COQ10B: variants seen among roughly 807,000 people sequenced by gnomAD.
COQ10B encodes coenzyme Q10B.
Under a neutral mutation model 27.6 loss-of-function variants are expected in COQ10B, and 12 were observed. The ratio of observed to expected loss-of-function variants is 0.43; its 90% CI spans 0.28 to 0.70. The LOEUF (loss-of-function observed/expected upper bound fraction) is 0.70. COQ10B is among the 30% of genes least tolerant of loss of function. The pLI is 0.17. For missense variants in COQ10B, 278 were observed against 288.7 expected, an observed-to-expected ratio of 0.96 and a Z score of 0.27; for synonymous variants, 115 against 103.0, an observed-to-expected ratio of 1.12 and a Z score of -0.71.
In COQ10B at chr2:197,460,005, T is replaced by C. The variant is rs771865816; in HGVS notation, c.178T>C (p.Cys60Arg). The C allele has an allele frequency of 7.4e-6, 12 of 1,611,576 alleles. No individual in the cohort carries two copies. Among genetic ancestry groups the C allele is most frequent in the Admixed American group, 3.3e-5 (2 of 59,922 alleles). The change falls in exon 2 of 5, where the codon TGT (cysteine) becomes CGT (arginine). Residue 60 changes from cysteine to arginine, a missense_variant. Around this residue, in one of 3 missense-constraint regions of COQ10B, gnomAD observed 183 missense variants for 158.2 expected, o/e 1.16. Coordinates refer to ENST00000263960, the MANE Select transcript of COQ10B (RefSeq NM_025147.5). ...TACCTCAATTTTGCCTAAGGAGATA[T>C]GTGCACGAACTTTCTTCAAAATCAC... ...LHTSILPKEI[C>R]ARTFFKITAP...
chr2:197,459,140 C>T (rs542774846), intron 1 of COQ10B, among the ~76,000 whole-genome samples: 6 of 152,208 alleles, frequency 3.9e-5, no homozygotes, highest in South Asian at 4.1e-4. Flanking sequence ...TAAAGGAGAA[C>T]GCAGCAACAG....
At chr2:197,468,309 G>A (rs1166613549) in intron 3 of COQ10B, among the ~76,000 whole-genome samples, 1 of 151,990 alleles carries the variant, frequency 6.6e-6, no homozygotes, top group Non-Finnish European at 1.5e-5. Context: ...CGAGCATGGT[G>A]GCGGGCATCT....
chr2:197,464,970 C>T (rs2106052576), intron 3 of COQ10B, among the ~76,000 whole-genome samples: 1 of 151,668 alleles, frequency 6.6e-6, no homozygotes, highest in Non-Finnish European at 1.5e-5. Context: ...ACTGCAAGCT[C>T]CGCCTCCTGG....
intron 1 of COQ10B, among the ~76,000 whole-genome samples, chr2:197,454,405 G>C (rs1255013002): frequency 6.6e-6 from 1 of 151,890 alleles, no homozygotes; most frequent in Non-Finnish European, 1.5e-5. Context: ...ATACGAGGTG[G>C]GGAGAGAAAA....
chr2:197,473,991 T>G lies in COQ10B; in HGVS notation c.*67T>G. On this transcript the variant is annotated 3_prime_UTR_variant, in exon 5 of 5. Transcript: ENST00000263960. ...TGTTCACTTTTAGGAAGTATTTTCA[T>G]GACATGTTTTCAGAAGCCAGAAAGC... The G allele has an allele frequency of 7.7e-7, 1 of 1,291,938 alleles. No individual in the cohort carries two copies. The highest frequency in any genetic ancestry group is 1.0e-6 in the Non-Finnish European group (1 of 977,826). The allele number at this position is 1,291,938 out of a possible 1,614,324, so 80.0% of individuals were successfully genotyped here. A position where few individuals can be genotyped will look rare whatever the true frequency, so the allele number is the denominator to read the frequency against.
chr2:197,465,297 T>A (rs1348710126), intron 3 of COQ10B, among the ~76,000 whole-genome samples: 1 of 151,880 alleles, frequency 6.6e-6, no homozygotes, highest in Admixed American at 6.6e-5. Flanking sequence ...GCCTTTTTTT[T>A]TTTTTCCTTT....
rs1411965408 is a variant in COQ10B at position 197,454,080 on chromosome 2, G to A, written c.104+416G>A. On this transcript the variant is annotated intron_variant, in intron 1 of 4. Transcript: ENST00000263960. ...CCCCCTTCTCCGGTTCCTTCTACCTGCCAGATGGTCAGATGCGTTTTCCCA... is the reference window on the plus strand; with the variant it reads ...CCCCCTTCTCCGGTTCCTTCTACCTACCAGATGGTCAGATGCGTTTTCCCA... The A allele has an allele frequency of 7.1e-6, 11 of 1,551,068 alleles. No homozygotes were observed. The Middle Eastern group carries it at 5.0e-4, about 70-fold the overall frequency.
chr2:197,464,877 T>A (rs1305424405), intron 3 of COQ10B, among the ~76,000 whole-genome samples: 2 of 145,724 alleles, frequency 1.4e-5, no homozygotes, highest in Non-Finnish European at 3.0e-5. Flanking sequence ...ACTTAAATCT[T>A]TTTTTTTTTT....
chr2:197,454,011 G>A (rs766056619), intron 1 of COQ10B: 2 of 1,551,250 alleles, frequency 1.3e-6, no homozygotes, highest in Non-Finnish European at 1.7e-6. Flanking sequence ...GCGCAGAAGG[G>A]TTGCCGGCTG....
intron 3 of COQ10B, among the ~76,000 whole-genome samples, chr2:197,469,379 AT>A (rs897572204): frequency 8.5e-5 from 13 of 152,106 alleles, no homozygotes; most frequent in Admixed American, 8.5e-4. Flanking sequence ...CACAATAAGT[AT>A]TTTTTTTATG....
intron 1 of COQ10B, among the ~76,000 whole-genome samples, chr2:197,459,404 G>A (rs1342478632): frequency 6.6e-6 from 1 of 152,114 alleles, no homozygotes; most frequent in Non-Finnish European, 1.5e-5. Context: ...GGCCTCAAGG[G>A]ATTCTCATGC....
intron 2 of COQ10B, among the ~76,000 whole-genome samples, chr2:197,460,968 A>T (rs982137567): frequency 2.0e-5 from 3 of 152,212 alleles, no homozygotes; most frequent in African/African-American, 4.8e-5. Flanking sequence ...CTAAACCGGA[A>T]ATACACCATC....
At chr2:197,458,740 G>T (rs2085726038) in intron 1 of COQ10B, among the ~76,000 whole-genome samples, 1 of 143,006 alleles carries the variant, frequency 7.0e-6, no homozygotes, top group African/African-American at 2.6e-5. Context: ...GAGTGTGGTT[G>T]CACAACTTCG....
Position 197,453,661 on chromosome 2 carries a change from G to A in COQ10B, c.101G>A (p.Gly34Asp). 1 of 1,613,234 alleles carries A rather than the reference G, an allele frequency of 6.2e-7. No homozygotes were observed. The highest frequency in any genetic ancestry group is 8.5e-7 in the Non-Finnish European group (1 of 1,179,352). The change falls in exon 1 of 5, where the codon GGC becomes GAC. Residue 34 changes from glycine (G) to aspartate (D), a missense_variant. By Grantham distance (94) the Gly-to-Asp change is moderately conservative. Around this residue, in one of 3 missense-constraint regions of COQ10B, gnomAD observed 183 missense variants for 158.2 expected, o/e 1.16. Transcript: ENST00000263960. ...GGGGCGCAGGCGCCCGTGCGGAATG[G>A]CAGGTAATCAACAGCGGGGGCGCTG... ...AAGAQAPVRNGRYLASCGILM... is the reference protein window; with the variant it reads ...AAGAQAPVRNDRYLASCGILM...
At chr2:197,454,033 G>A in intron 1 of COQ10B, 1 of 1,551,240 alleles carries the variant, frequency 6.4e-7, no homozygotes, top group Non-Finnish European at 8.7e-7. Flanking sequence ...TGGCTGTATG[G>A]GAGTTTGTGT....
chr2:197,464,096 T>C (rs934186), intron 3 of COQ10B, among the ~76,000 whole-genome samples: 8,953 of 144,580 alleles, frequency 0.062, 374 homozygotes, highest in Non-Finnish European at 0.09. Context: ...TATATATACA[T>C]ATATATGTAT....
At chr2:197,453,952 TCTC>T (rs1278532126) in intron 1 of COQ10B, 3 of 1,550,034 alleles carry the variant, frequency 1.9e-6, no homozygotes, top group Non-Finnish European at 2.6e-6. Context: ...GCTCTTCCGG[TCTC>T]CTCCCCTATG....
At chr2:197,465,345 A>G (rs537267354) in intron 3 of COQ10B, among the ~76,000 whole-genome samples, 1 of 149,846 alleles carries the variant, frequency 6.7e-6, no homozygotes, top group Non-Finnish European at 1.5e-5. Flanking sequence ...GCTGCAGTAC[A>G]GTAGCACAAG....
rs1424059451 is a variant in COQ10B at position 197,462,639 on chromosome 2, G to C, written c.355G>C (p.Gly119Arg). 2 of 1,600,424 alleles carry C rather than the reference G, an allele frequency of 1.2e-6. No individual in the cohort carries two copies. The highest frequency in any genetic ancestry group is 1.7e-6 in the Non-Finnish European group (2 of 1,171,560). The part of the protein sequence containing the change: ...KKSDVISKRS[G>R]YCKTRLEIGF... The stretch of plus-strand genomic sequence containing the variant: ...ATCAGATGTTATATCAAAGAGATCT[G>C]GATATTGTAAAACAAGATTAGAAAT... Residue 119 changes from glycine (G) to arginine (R), a missense_variant, in exon 3 of 5, where the codon GGA (glycine) becomes CGA (arginine). Physicochemically the swap from Gly to Arg is moderately radical, Grantham distance 125. Transcript: ENST00000263960.
Sources: gnomAD v4.1 joint callset for allele counts (sites outside exome capture counted in the v4.1 genomes callset) on GRCh38, gnomAD v4.1.1 for gene constraint, gnomAD v4.1.1 regional missense constraint, MANE v1.5 for transcripts, NCBI Gene and HGNC (gene_info 2026-07-23, HGNC 2026-07-21) for gene names.